Variants in CACNA2D2 observed in about 807,000 individuals in gnomAD.
CACNA2D2 encodes the protein calcium voltage-gated channel auxiliary subunit alpha2delta 2, also known as voltage-dependent calcium channel subunit alpha-2/delta-2.
Under a neutral mutation model 166.4 loss-of-function variants are expected in CACNA2D2, and 48 were observed. That is an observed-to-expected ratio of 0.29 (90% CI 0.23 to 0.37). The LOEUF is 0.37. CACNA2D2 is among the 10% of genes least tolerant of loss of function. The pLI, the probability that CACNA2D2 is intolerant of heterozygous loss-of-function variation, is 1.00. For synonymous variants in CACNA2D2, 561 were observed against 573.7 expected (o/e 0.98, Z 0.32); for missense variants, 1,122 against 1,433.0 (o/e 0.78, Z 3.50).
rs754976968 is a variant in CACNA2D2 at position 50,366,567 on chromosome 3, G to A, written c.2637+11C>T. The A allele has an allele frequency of 6.2e-7, 1 of 1,613,754 alleles. No individual in the cohort carries two copies. The highest frequency in any genetic ancestry group is 8.5e-7 in the Non-Finnish European group (1 of 1,179,762). ...AAGCTAGGGTCCAGGGTAGGTTCAG[G>A]GCACACACACCTCATTGTTAACCTC... On this transcript the variant is annotated intron_variant, in intron 30 of 37. Transcript: ENST00000424201. This position sits in a 1 kb window ranked among gnomAD's most constrained non-coding sequence, Gnocchi z 5.9.
chr3:50,463,793 CA>C (rs931598574), intron 2 of CACNA2D2, among the ~76,000 whole-genome samples: 3 of 152,240 alleles, frequency 2.0e-5, no homozygotes, highest in South Asian at 2.1e-4. Flanking sequence ...CATCCTGTCC[CA>C]GGGGGAGAAC....
intron 5 of CACNA2D2, among the ~76,000 whole-genome samples, chr3:50,385,777 C>T (rs1034961156): frequency 4.6e-5 from 7 of 152,284 alleles, no homozygotes; most frequent in East Asian, 1.9e-4. Flanking sequence ...TGGAAGCGGC[C>T]GACTGTGAGG....
At chr3:50,488,236 A>T (rs1698372650) in intron 1 of CACNA2D2, among the ~76,000 whole-genome samples, 1 of 152,292 alleles carries the variant, frequency 6.6e-6, no homozygotes, top group East Asian at 1.9e-4. Flanking sequence ...CTGCTCCCAC[A>T]CCGAGGCCTG....
At chr3:50,381,649 G>C (rs1406002416) in intron 6 of CACNA2D2, among the ~76,000 whole-genome samples, 2 of 151,964 alleles carry the variant, frequency 1.3e-5, no homozygotes, top group South Asian at 4.2e-4. Context: ...AAGCAGGGGT[G>C]GGGGCGGGGG....
intron 3 of CACNA2D2, among the ~76,000 whole-genome samples, chr3:50,405,476 T>C (rs1465144673): frequency 6.6e-6 from 1 of 152,050 alleles, no homozygotes. Flanking sequence ...GCGTCAGGGC[T>C]GGGTTTGGGC....
chr3:50,383,456 G>C (rs1705434328), intron 6 of CACNA2D2, among the ~76,000 whole-genome samples: 1 of 152,208 alleles, frequency 6.6e-6, no homozygotes, highest in Non-Finnish European at 1.5e-5. Flanking sequence ...CTTCAATCCT[G>C]CTGCTGGAGC....
At chr3:50,488,942 C>G (rs556669560) in intron 1 of CACNA2D2, among the ~76,000 whole-genome samples, 1 of 152,098 alleles carries the variant, frequency 6.6e-6, no homozygotes, top group African/African-American at 2.4e-5. Context: ...CCTTGTGATC[C>G]GCCCACCTCA....
chr3:50,389,847 C>A (rs1008352981), intron 4 of CACNA2D2, among the ~76,000 whole-genome samples: 1 of 152,204 alleles, frequency 6.6e-6, no homozygotes, highest in Non-Finnish European at 1.5e-5. Context: ...CCGCTCCCGG[C>A]CTCTCCTGCC....
chr3:50,493,026 G>A (rs746583002), intron 1 of CACNA2D2, among the ~76,000 whole-genome samples: 10 of 152,278 alleles, frequency 6.6e-5, no homozygotes, highest in Non-Finnish European at 1.2e-4. Flanking sequence ...ACCACCGGGG[G>A]CCCAGCTTGT....
chr3:50,468,380 A>AGTGTGTGTGTGT (rs3220659), intron 2 of CACNA2D2, among the ~76,000 whole-genome samples: 1,289 of 83,106 alleles, frequency 0.016, 95 homozygotes, highest in East Asian at 0.038. Flanking sequence ...TCATCAGAAT[A>AGTGTGTGTGTGT]GTGTGTGTGT....
intron 2 of CACNA2D2, among the ~76,000 whole-genome samples, chr3:50,442,338 G>A (rs936198844): frequency 1.3e-5 from 2 of 152,190 alleles, no homozygotes; most frequent in Non-Finnish European, 2.9e-5. Flanking sequence ...AGCCATCCAC[G>A]ATGTATCTCC....
intron 14 of CACNA2D2, 33 bp from the exon 15 acceptor site, chr3:50,378,130 G>A (rs773198948): frequency 6.2e-7 from 1 of 1,600,870 alleles, no homozygotes; most frequent in Non-Finnish European, 8.6e-7. Flanking sequence ...GGTAATGAGT[G>A]CCTTTCCCAG....
intron 1 of CACNA2D2, among the ~76,000 whole-genome samples, chr3:50,485,867 G>C (rs567527359): frequency 1.3e-5 from 2 of 152,272 alleles, no homozygotes; most frequent in East Asian, 1.9e-4. Context: ...AAACAAGCCC[G>C]GGCCTCCCAG....
At chr3:50,414,551 G>A (rs981140643) in intron 3 of CACNA2D2, among the ~76,000 whole-genome samples, 3 of 152,198 alleles carry the variant, frequency 2.0e-5, no homozygotes, top group Admixed American at 2.0e-4. Flanking sequence ...GATCCTGGGA[G>A]GGCAGTGGAA....
intron 5 of CACNA2D2, among the ~76,000 whole-genome samples, chr3:50,385,731 G>C (rs985571719): frequency 3.9e-5 from 6 of 152,248 alleles, no homozygotes; most frequent in Non-Finnish European, 8.8e-5. Flanking sequence ...GCTGGGTAGA[G>C]CCAGGGCAGG....
intron 2 of CACNA2D2, among the ~76,000 whole-genome samples, chr3:50,436,668 G>A (rs560258291): frequency 2.0e-5 from 3 of 152,364 alleles, no homozygotes; most frequent in Admixed American, 6.5e-5. Flanking sequence ...GCCTTGAGCA[G>A]CCTGTGCTGT....
intron 2 of CACNA2D2, among the ~76,000 whole-genome samples, chr3:50,462,012 G>T (rs1045767476): frequency 1.3e-5 from 2 of 152,324 alleles, no homozygotes; most frequent in Non-Finnish European, 2.9e-5. Context: ...AGAAGCCCAG[G>T]TGTATGAGAG....
At chr3:50,489,864 G>C (rs1462490354) in intron 1 of CACNA2D2, among the ~76,000 whole-genome samples, 1 of 152,146 alleles carries the variant, frequency 6.6e-6, no homozygotes, top group Non-Finnish European at 1.5e-5. Context: ...ATGCTGCTTG[G>C]AGCACCAACC....
Position 50,367,324 on chromosome 3 carries a change from A to G in CACNA2D2, c.2401+70T>C. 7.1e-7 allele frequency: 1 copy of G among 1,408,530 alleles called. No individual in the cohort carries two copies. Among genetic ancestry groups the G allele is most frequent in the Non-Finnish European group, 1.0e-6 (1 of 1,000,098 alleles). 87.3% of individuals were successfully genotyped at this position (1,408,530 alleles called of 1,614,324 possible). ...AGAGGGGCCTCAGACAGCAGAGCCCAGTTCTGGCTGAGCAGACAGGGAAGC... is the reference window on the plus strand; with the variant it reads ...AGAGGGGCCTCAGACAGCAGAGCCCGGTTCTGGCTGAGCAGACAGGGAAGC... On this transcript the variant is annotated intron_variant, in intron 27 of 37. Transcript: ENST00000424201. This position sits in a 1 kb window ranked among gnomAD's most constrained non-coding sequence, Gnocchi z 6.5.
Sources: gnomAD v4.1 joint callset for allele counts (sites outside exome capture counted in the v4.1 genomes callset) on GRCh38, gnomAD v4.1.1 for gene constraint, Gnocchi (gnomAD v3.1) non-coding constraint, MANE v1.5 for transcripts, NCBI Gene and HGNC (gene_info 2026-07-23, HGNC 2026-07-21) for gene names.